ACSL4: variants seen among roughly 807,000 people sequenced by gnomAD.
The protein encoded by ACSL4 is acyl-CoA synthetase long chain family member 4.
ACSL4 carries 9 observed loss-of-function variants against 49.1 expected under a neutral mutation model. The observed-to-expected ratio is 0.18, with a 90% confidence interval of 0.11 to 0.32. The LOEUF (loss-of-function observed/expected upper bound fraction) is 0.32. ACSL4 is among the 10% of genes least tolerant of loss of function. The probability of loss-of-function intolerance (pLI) is 1.00; values close to 1 mark genes in which losing one functional copy is unlikely to be tolerated. For synonymous variants in ACSL4, 191 were observed against 170.3 expected (o/e 1.12, Z -0.95); for missense variants, 333 against 493.7 (o/e 0.67, Z 3.08).
chrX:109,646,940 T>C (rs893968831), intron 15 of ACSL4, among the ~76,000 whole-genome samples: 1 of 111,486 alleles, frequency 9.0e-6, no homozygotes, highest in African/African-American at 3.3e-5. Context: ...CATCACATAA[T>C]GGTAAAGGGA....
At chrX:109,651,151 A>C (rs1334866684) in intron 15 of ACSL4, among the ~76,000 whole-genome samples, 1 of 112,121 alleles carries the variant, frequency 8.9e-6, no homozygotes, top group Non-Finnish European at 1.9e-5. Context: ...TTATGACTAC[A>C]AGGGTAATTC....
chrX:109,732,526 G>A (rs191158023), intron 1 of ACSL4, among the ~76,000 whole-genome samples: 1 of 111,798 alleles, frequency 8.9e-6, no homozygotes, highest in East Asian at 2.8e-4. Context: ...CAGAAAGAAC[G>A]GGGGTGGGGG....
rs913052245 is a variant in ACSL4 at position 109,663,171 on chromosome X, A to G, written c.1582+40T>C. On this transcript the variant is annotated intron_variant, in intron 13 of 15. Coordinates refer to ENST00000672401, the MANE Select transcript of ACSL4 (RefSeq NM_001318510.2). Reference sequence around the variant, plus strand: ...ATTACCTTTCATATATACTGAAGTTATAAAAACTAAAGAAAACCATAAAAA... The same window carrying G: ...ATTACCTTTCATATATACTGAAGTTGTAAAAACTAAAGAAAACCATAAAAA... 5 of 1,119,789 alleles carry G rather than the reference A, an allele frequency of 4.5e-6. No homozygotes were observed. In the African/African-American group the frequency reaches 9.1e-5, roughly 20 times the overall value. The allele number at this position is 1,119,789 out of a possible 1,213,427, so 92.3% of individuals were successfully genotyped here.
At chrX:109,703,529 A>G (rs1926120512) in intron 1 of ACSL4, among the ~76,000 whole-genome samples, 1 of 112,059 alleles carries the variant, frequency 8.9e-6, no homozygotes, top group Non-Finnish European at 1.9e-5. Flanking sequence ...CAGTATATTA[A>G]TATGCCCATT....
intron 1 of ACSL4, among the ~76,000 whole-genome samples, chrX:109,714,952 T>C (rs1399931671): frequency 9.0e-6 from 1 of 111,705 alleles, no homozygotes; most frequent in Non-Finnish European, 1.9e-5. Flanking sequence ...TAATATTAAG[T>C]ATAAAAAAAG....
Position 109,643,238 on chromosome X carries a change from T to C in ACSL4, c.*791A>G, listed in dbSNP as rs756560797. 8.9e-6 allele frequency: 1 copy of C among 112,162 alleles called. No homozygotes were observed. The highest frequency in any genetic ancestry group is 3.2e-5 in the African/African-American group (1 of 30,882). The allele number at this position is 112,162 out of a possible 1,213,427, so 9.2% of individuals were successfully genotyped here. The stretch of plus-strand genomic sequence containing the variant: ...CCTTCCTTGCTCTTGGTCTCAGCTT[T>C]TCAGTTTGAATAAACACAGAAAGGC... On this transcript the variant is annotated 3_prime_UTR_variant, in exon 16 of 16. Coordinates refer to ENST00000672401, the MANE Select transcript of ACSL4 (RefSeq NM_001318510.2).
At chrX:109,711,746 G>A (rs1471338001) in intron 1 of ACSL4, among the ~76,000 whole-genome samples, 2 of 110,413 alleles carry the variant, frequency 1.8e-5, no homozygotes, top group East Asian at 2.8e-4. Context: ...CCTATGTTAC[G>A]TGAAGTGCCT....
At chrX:109,670,600 G>GCTCTCCCTCTCCCTCCTCTCCCTC (rs1436202035) in intron 9 of ACSL4, among the ~76,000 whole-genome samples, 2 of 101,701 alleles carry the variant, frequency 2.0e-5, no homozygotes, top group Admixed American at 1.1e-4. Context: ...AAAAAAAAAA[G>GCTCTCCCTCTCCCTCCTCTCCCTC]CTCTCCCTCT....
chrX:109,718,025 T>G (rs749418341), intron 1 of ACSL4, among the ~76,000 whole-genome samples: 2 of 111,930 alleles, frequency 1.8e-5, no homozygotes, highest in South Asian at 7.5e-4. Flanking sequence ...CTGCGCAACT[T>G]TGATTTTAAC....
At position 109,678,398 on chromosome X, in the gene ACSL4, T is replaced by G; in HGVS notation, c.673A>C (p.Arg225=). The stretch of plus-strand genomic sequence containing the variant: ...ATGGCCATGTCTGAAGGCGTTGGTC[T>G]ACTTGGAGGAATGCCCACTAAATGA... ...NPENLGIPPS[R]PTPSDMAIVM... Residue 225 remains arginine, a synonymous_variant, in exon 7 of 16, where the codon AGA becomes CGA. Transcript: ENST00000672401. 1 of 1,212,043 alleles carries G rather than the reference T, an allele frequency of 8.3e-7. No homozygotes were observed.
intron 15 of ACSL4, among the ~76,000 whole-genome samples, chrX:109,651,677 C>G (rs992594726): frequency 9.0e-6 from 1 of 111,560 alleles, no homozygotes; most frequent in Non-Finnish European, 1.9e-5. Context: ...ACAGATTTGG[C>G]CCCCCAATTT....
chrX:109,645,619 C>T (rs749248832), intron 15 of ACSL4, among the ~76,000 whole-genome samples: 1 of 112,392 alleles, frequency 8.9e-6, no homozygotes, highest in South Asian at 3.7e-4. Context: ...GAGCGCCTCT[C>T]CTCCTCCAAA....
chrX:109,695,779 G>T (rs1193409089), intron 2 of ACSL4: 5 of 111,371 alleles, frequency 4.5e-5, no homozygotes, highest in Non-Finnish European at 7.5e-5. Flanking sequence ...AGGAAACTGA[G>T]ATAATGAGAG....
intron 1 of ACSL4, among the ~76,000 whole-genome samples, chrX:109,696,580 A>G (rs1322579458): frequency 2.7e-5 from 3 of 112,716 alleles, no homozygotes; most frequent in Non-Finnish European, 5.6e-5. Flanking sequence ...CACACAGATG[A>G]CTGTAGGCAT....
intron 2 of ACSL4, among the ~76,000 whole-genome samples, chrX:109,684,973 A>G (rs1379685323): frequency 1.8e-5 from 2 of 111,418 alleles, no homozygotes; most frequent in Non-Finnish European, 3.8e-5. Context: ...AAATCAGGCA[A>G]AGTAATTTTG....
At chrX:109,645,685 G>A (rs927799924) in intron 15 of ACSL4, among the ~76,000 whole-genome samples, 14 of 112,341 alleles carry the variant, frequency 1.2e-4, no homozygotes, top group Non-Finnish European at 2.3e-4. Flanking sequence ...TGACTCTGGC[G>A]AGCTGAGAGA....
intron 15 of ACSL4, among the ~76,000 whole-genome samples, chrX:109,655,220 T>A (rs1921534533): frequency 1.8e-5 from 2 of 111,276 alleles, no homozygotes; most frequent in Non-Finnish European, 1.9e-5. Flanking sequence ...AAGCATAAAG[T>A]GCAACTTGGA....
chrX:109,710,724 G>A (rs1241710276), intron 1 of ACSL4, among the ~76,000 whole-genome samples: 2 of 110,974 alleles, frequency 1.8e-5, no homozygotes, highest in Non-Finnish European at 3.8e-5. Flanking sequence ...AATTTTTTTT[G>A]TTGAGAGATG....
At chrX:109,711,575 T>C (rs1352980216) in intron 1 of ACSL4, among the ~76,000 whole-genome samples, 1 of 112,473 alleles carries the variant, frequency 8.9e-6, no homozygotes, top group Non-Finnish European at 1.9e-5. Flanking sequence ...ATTACGAACT[T>C]GAACCTCTTT....
Sources: gnomAD v4.1 joint callset for allele counts (sites outside exome capture counted in the v4.1 genomes callset) on GRCh38, gnomAD v4.1.1 for gene constraint, MANE v1.5 for transcripts, NCBI Gene and HGNC (gene_info 2026-07-23, HGNC 2026-07-21) for gene names.